IGF2R: variants seen among roughly 807,000 people sequenced by gnomAD.
IGF2R encodes insulin like growth factor 2 receptor, also known as cation-independent mannose-6-phosphate receptor.
In IGF2R, 91 loss-of-function variants were observed where a neutral mutation model predicts 270.6. The observed-to-expected ratio is 0.34, with a 90% CI of 0.28 to 0.40. IGF2R has a LOEUF of 0.40. IGF2R is among the 10% of genes least tolerant of loss of function. IGF2R has a pLI of 1.00. For synonymous variants in IGF2R, 1,316 were observed against 1,258.9 expected (o/e 1.05, Z -0.96); for missense variants, 2,805 against 3,188.3 (o/e 0.88, Z 2.90).
chr6:160,109,311 CAG>C lies in IGF2R; in HGVS notation c.*4228_*4229del, dbSNP rs933599803. The stretch of plus-strand genomic sequence containing the variant: ...AGAAGTGATGGTGGGTTGCTAGAGA[CAG>C]GGTGGAGCACAGAGCCCTGGAAGGA... On this transcript the variant is annotated 3_prime_UTR_variant, in exon 48 of 48. Coordinates refer to ENST00000356956, the MANE Select transcript of IGF2R (RefSeq NM_000876.4). The C allele has an allele frequency of 2.6e-5, 4 of 152,286 alleles. No homozygotes were observed. Among genetic ancestry groups the C allele is most frequent in the African/African-American group, 7.2e-5 (3 of 41,566 alleles). The allele number at this position is 152,286 out of a possible 1,614,324, so 9.4% of individuals were successfully genotyped here. A position where few individuals can be genotyped will look rare whatever the true frequency, so the allele number is the denominator to read the frequency against.
chr6:160,060,729 C>G lies in IGF2R; in HGVS notation c.3262+12C>G. ...CTGCCAAGTCACCGGTAAGGCCGTG[C>G]GGCCTAAGAACTGAGAGGCCGGTCA... On this transcript the variant is annotated intron_variant, in intron 23 of 47. Transcript: ENST00000356956. 1 of 1,613,756 alleles carries G rather than the reference C, an allele frequency of 6.2e-7. No individual in the cohort carries two copies. The highest frequency in any genetic ancestry group is 8.5e-7 in the Non-Finnish European group (1 of 1,179,732).
At chr6:159,977,491 G>A (rs910609578) in intron 1 of IGF2R, among the ~76,000 whole-genome samples, 59 of 137,322 alleles carry the variant, frequency 4.3e-4, no homozygotes, top group Admixed American at 3.6e-4. Flanking sequence ...ACCCCCAAGC[G>A]CTGTTCTGCC....
chr6:160,081,789 A>G (rs893526134), intron 39 of IGF2R, among the ~76,000 whole-genome samples: 2 of 152,220 alleles, frequency 1.3e-5, no homozygotes, highest in East Asian at 1.9e-4. Flanking sequence ...GTTTTCGGTA[A>G]TAAGAGAAAT....
intron 4 of IGF2R, among the ~76,000 whole-genome samples, chr6:160,011,195 C>G (rs773060699): frequency 2.6e-5 from 4 of 152,138 alleles, no homozygotes; most frequent in Admixed American, 6.5e-5. Flanking sequence ...TGTTGTACCC[C>G]GCTTTTGATA....
rs927487807 is a variant in IGF2R at position 160,102,913 on chromosome 6, G to T, written c.6995+242G>T. ...ACCCGTGCCTGCGGCTTCTAGGACC[G>T]TGGTCCTTTGTGTCCAAAGATGAGT... is the stretch of plus-strand genomic sequence containing the variant. On this transcript the variant is annotated intron_variant, in intron 46 of 47. Transcript: ENST00000356956. The surrounding 1 kb of genome is among the most constrained non-coding windows in gnomAD (Gnocchi z 4.5). 2.4e-4 allele frequency among the ~76,000 whole-genome samples: 37 copies of T among 152,280 alleles called. No individual in the cohort carries two copies. Among genetic ancestry groups the T allele is most frequent in the Non-Finnish European group, 4.3e-4 (29 of 68,012 alleles).
rs903122701 is a variant in IGF2R at position 159,969,239 on chromosome 6, C to G, written c.-8C>G. ...CTCGCGCCCGCCGCGCAGTCCGGGC[C>G]CGGCGCGATGGGGGCCGCCGCCGGC... On this transcript the variant is annotated 5_prime_UTR_variant, in exon 1 of 48. Coordinates refer to ENST00000356956, the MANE Select transcript of IGF2R (RefSeq NM_000876.4). 8.9e-4 allele frequency: 895 copies of G among 1,009,682 alleles called. 5 individuals are homozygous for G. In the African/African-American group the frequency reaches 0.013, roughly 15 times the overall value. The allele number at this position is 1,009,682 out of a possible 1,614,324, so 62.5% of individuals were successfully genotyped here. A position where few individuals can be genotyped will look rare whatever the true frequency, so the allele number is the denominator to read the frequency against.
chr6:160,048,669 G>A, intron 18 of IGF2R, 126 bp downstream of exon 18: 1 of 887,202 alleles, frequency 1.1e-6, no homozygotes, highest in Non-Finnish European at 1.7e-6. Context: ...CCTCTGAGTA[G>A]GAGTGGGGCC....
Position 160,069,943 on chromosome 6 carries a change from G to T in IGF2R, c.4328G>T (p.Gly1443Val). ...GTGAACCTCGGCAGGGTAAGGGACG[G>T]ACCTCAGTGGAGAGATGGCATAATT... ...KPVNLGRVRD[G>V]PQWRDGIIVL... Residue 1443 changes from glycine to valine, a missense_variant, in exon 31 of 48, where the codon GGA becomes GTA. Around this residue, in one of 2 missense-constraint regions of IGF2R, gnomAD observed 1,851 missense variants for 2,207.2 expected, o/e 0.84. Transcript: ENST00000356956. 6.2e-7 allele frequency: 1 copy of T among 1,614,222 alleles called. No homozygotes were observed. The highest frequency in any genetic ancestry group is 8.5e-7 in the Non-Finnish European group (1 of 1,180,044).
intron 10 of IGF2R, among the ~76,000 whole-genome samples, chr6:160,038,956 A>T (rs1429437269): frequency 6.6e-6 from 1 of 152,236 alleles, no homozygotes; most frequent in East Asian, 1.9e-4. Flanking sequence ...CCTAGTTTTT[A>T]GTTATGAAAC....
chr6:160,048,863 G>T (rs3777412), intron 18 of IGF2R, among the ~76,000 whole-genome samples: 13,914 of 152,228 alleles, frequency 0.091, 995 homozygotes, highest in East Asian at 0.32. Context: ...CTGTGAAAAA[G>T]AGAGTTTTGC....
At chr6:160,027,988 C>T (rs1777600521) in intron 6 of IGF2R, among the ~76,000 whole-genome samples, 2 of 152,136 alleles carry the variant, frequency 1.3e-5, no homozygotes, top group Admixed American at 1.3e-4. Context: ...ATTATAATGG[C>T]ACTCTGTCCA....
chr6:160,024,545 A>G (rs760820879), intron 4 of IGF2R, 27 bp from the exon 5 acceptor site: 1 of 1,611,846 alleles, frequency 6.2e-7, no homozygotes, highest in Admixed American at 1.7e-5. Flanking sequence ...TATACTGAAG[A>G]CTCACTTTTT....
intron 4 of IGF2R, among the ~76,000 whole-genome samples, chr6:160,019,370 C>T (rs373310487): frequency 6.6e-6 from 1 of 152,160 alleles, no homozygotes; most frequent in African/African-American, 2.4e-5. Context: ...GACAGATTGA[C>T]AGCTGAATTC....
chr6:160,047,772 G>A lies in IGF2R; in HGVS notation c.2230-20G>A, dbSNP rs745614156. On this transcript the variant is annotated intron_variant, in intron 16 of 47. Coordinates refer to ENST00000356956, the MANE Select transcript of IGF2R (RefSeq NM_000876.4). The stretch of plus-strand genomic sequence containing the variant: ...GTCTTTCTCTTTTTGCCATCCCTCC[G>A]CGCATCTGCCGTGGATTAGGAAGAG... The A allele has an allele frequency of 3.6e-5, 52 of 1,449,692 alleles. No individual in the cohort carries two copies. Among genetic ancestry groups the A allele is most frequent in the Non-Finnish European group, 4.5e-5 (46 of 1,029,852 alleles). 89.8% of individuals were successfully genotyped at this position (1,449,692 alleles called of 1,614,324 possible).
rs937102762 is a variant in IGF2R at position 160,102,222 on chromosome 6, C to A, written c.6843-297C>A. ...CGTGGATTGGGCCACCTAGAGGGGG[C>A]CGCGTCCCTCCTGCCTGTCTCCTCT... On this transcript the variant is annotated intron_variant, in intron 45 of 47. Transcript: ENST00000356956. This position sits in a 1 kb window ranked among gnomAD's most constrained non-coding sequence, Gnocchi z 4.5. Among the ~76,000 whole-genome samples the A allele has an allele frequency of 2.6e-5, 4 of 152,204 alleles. No individual in the cohort carries two copies. The highest frequency in any genetic ancestry group is 4.8e-5 in the African/African-American group (2 of 41,452).
chr6:159,995,365 A>AT (rs928109868), intron 2 of IGF2R, among the ~76,000 whole-genome samples: 42 of 144,136 alleles, frequency 2.9e-4, no homozygotes, highest in South Asian at 6.5e-4. Context: ...TGGTTGGATC[A>AT]TTTTTTTTTT....
chr6:160,064,473 A>C lies in IGF2R; in HGVS notation c.3959A>C (p.His1320Pro). Residue 1320 changes from histidine to proline, a missense_variant, in exon 28 of 48, where the codon CAT becomes CCT. Physicochemically the swap from His to Pro is moderately conservative, Grantham distance 77. This residue lies in a region of IGF2R where 1,851 missense variants were observed against 2,207.2 expected (regional missense o/e 0.84). Coordinates refer to ENST00000356956, the MANE Select transcript of IGF2R (RefSeq NM_000876.4). ...AACTTCACGGGGGGGGACACTTGCCATAAGGTTTATCAGCGCTCCACAGCC... is the reference window on the plus strand; with the variant it reads ...AACTTCACGGGGGGGGACACTTGCCCTAAGGTTTATCAGCGCTCCACAGCC... ...KMNFTGGDTCHKVYQRSTAIF... is the reference protein window; with the variant it reads ...KMNFTGGDTCPKVYQRSTAIF... 2 of 1,614,152 alleles carry C rather than the reference A, an allele frequency of 1.2e-6. No homozygotes were observed. The highest frequency in any genetic ancestry group is 1.7e-6 in the Non-Finnish European group (2 of 1,180,020).
At chr6:160,089,821 TG>T in intron 43 of IGF2R, 94 bp from the exon 44 acceptor site, 1 of 813,686 alleles carries the variant, frequency 1.2e-6, no homozygotes, top group Non-Finnish European at 1.8e-6. Context: ...GGAAGCATCC[TG>T]GGGCCCTGCA....
chr6:160,071,613 G>A (rs1778739950), intron 31 of IGF2R, among the ~76,000 whole-genome samples: 1 of 152,142 alleles, frequency 6.6e-6, no homozygotes, highest in African/African-American at 2.4e-5. Context: ...AGCATCCTTT[G>A]CACGCCTGTC....
Sources: gnomAD v4.1 joint callset for allele counts (sites outside exome capture counted in the v4.1 genomes callset) on GRCh38, gnomAD v4.1.1 for gene constraint, gnomAD v4.1.1 regional missense constraint, Gnocchi (gnomAD v3.1) non-coding constraint, MANE v1.5 for transcripts, NCBI Gene and HGNC (gene_info 2026-07-23, HGNC 2026-07-21) for gene names.